SULF2: variants seen among roughly 807,000 people sequenced by gnomAD.
SULF2 encodes sulfatase 2, also known as extracellular sulfatase Sulf-2.
Under a neutral mutation model 107.7 loss-of-function variants are expected in SULF2, and 52 were observed. The ratio of observed to expected loss-of-function variants is 0.48; its 90% CI spans 0.39 to 0.61. The LOEUF is 0.61. Among genes scored for constraint, SULF2 ranks in the 20% least tolerant of loss-of-function variants. SULF2 has a pLI of 0.00. For missense variants in SULF2, 993 were observed against 1,177.3 expected (o/e 0.84, Z 2.29); for synonymous variants, 460 against 464.3 (o/e 0.99, Z 0.12).
chr20:47,729,319 G>C (rs1028612697), intron 3 of SULF2, among the ~76,000 whole-genome samples: 2 of 152,172 alleles, frequency 1.3e-5, no homozygotes, highest in Admixed American at 1.3e-4. Context: ...CCTCTACCCT[G>C]AGTAGGTGGG....
chr20:47,756,377 G>GA (rs897419296), intron 2 of SULF2, among the ~76,000 whole-genome samples: 14 of 152,038 alleles, frequency 9.2e-5, no homozygotes, highest in South Asian at 2.1e-4. Flanking sequence ...GCTCCCGGAG[G>GA]AAAAAAACTA....
intron 3 of SULF2, among the ~76,000 whole-genome samples, chr20:47,725,176 A>C (rs1361674569): frequency 6.6e-6 from 1 of 152,214 alleles, no homozygotes; most frequent in Non-Finnish European, 1.5e-5. Context: ...TTGGCGTAGC[A>C]CTGTCATCGG....
chr20:47,737,606 C>T (rs1307908560), intron 2 of SULF2, among the ~76,000 whole-genome samples: 1 of 152,034 alleles, frequency 6.6e-6, no homozygotes, highest in Admixed American at 6.6e-5. Flanking sequence ...AAATCCAACC[C>T]ATCGGCCTAG....
At chr20:47,731,193 T>TTTTTTTTTTTTTATTTTTA (rs2089599319) in intron 3 of SULF2, among the ~76,000 whole-genome samples, 2 of 99,786 alleles carry the variant, frequency 2.0e-5, no homozygotes, top group African/African-American at 8.1e-5. Flanking sequence ...TTCTCTTTTT[T>TTTTTTTTTTTTTATTTTTA]TTTTTTTTTT....
At chr20:47,757,710 G>A (rs1047655129) in intron 1 of SULF2, among the ~76,000 whole-genome samples, 2 of 152,060 alleles carry the variant, frequency 1.3e-5, no homozygotes, top group African/African-American at 2.4e-5. Flanking sequence ...TGGATCCAGT[G>A]AGCCTCTGAT....
chr20:47,691,260 A>G (rs557340209), intron 4 of SULF2, among the ~76,000 whole-genome samples: 1 of 152,370 alleles, frequency 6.6e-6, no homozygotes, highest in South Asian at 2.1e-4. Flanking sequence ...GATGAAGGAA[A>G]TATCATAAAA....
At chr20:47,763,617 G>A (rs1223754394) in intron 1 of SULF2, among the ~76,000 whole-genome samples, 2 of 152,250 alleles carry the variant, frequency 1.3e-5, no homozygotes, top group Non-Finnish European at 1.5e-5. Flanking sequence ...ACGTCCCACG[G>A]GCTGGGGCCA....
chr20:47,688,532 C>T (rs2088089844), intron 5 of SULF2, among the ~76,000 whole-genome samples: 1 of 152,222 alleles, frequency 6.6e-6, no homozygotes, highest in African/African-American at 2.4e-5. Context: ...AGCGTCCCTT[C>T]CCTCACCCAC....
intron 4 of SULF2, among the ~76,000 whole-genome samples, chr20:47,690,900 T>G (rs1429745173): frequency 1.3e-5 from 2 of 151,192 alleles, no homozygotes; most frequent in Admixed American, 6.6e-5. Flanking sequence ...AAAAGAATAA[T>G]AGCTAACACT....
chr20:47,719,959 T>G (rs2089238420), intron 3 of SULF2, among the ~76,000 whole-genome samples: 1 of 152,194 alleles, frequency 6.6e-6, no homozygotes, highest in South Asian at 2.1e-4. Context: ...CTTTTTCAAA[T>G]TTTTGTTTTA....
chr20:47,687,895 C>T (rs931856724), intron 5 of SULF2, among the ~76,000 whole-genome samples: 8 of 152,014 alleles, frequency 5.3e-5, no homozygotes, highest in Admixed American at 3.9e-4. Flanking sequence ...TCTGTAGAGA[C>T]AGAGTCTCAC....
chr20:47,712,569 G>C (rs6018653), intron 3 of SULF2, among the ~76,000 whole-genome samples: 121,855 of 152,210 alleles, frequency 0.8, 48,871 homozygotes, highest in Middle Eastern at 0.89. Flanking sequence ...TAGCCCCAGC[G>C]CAGTACCTGG....
At chr20:47,673,296 C>A (rs1463179221) in intron 10 of SULF2, among the ~76,000 whole-genome samples, 4 of 152,202 alleles carry the variant, frequency 2.6e-5, no homozygotes, top group Non-Finnish European at 5.9e-5. Flanking sequence ...GTCTCTCCAG[C>A]ACTTAGCATG....
At chr20:47,747,558 T>C (rs540250228) in intron 2 of SULF2, among the ~76,000 whole-genome samples, 29 of 152,132 alleles carry the variant, frequency 1.9e-4, no homozygotes, top group Non-Finnish European at 3.5e-4. Flanking sequence ...CCCAGAAATA[T>C]TCCTCTAACT....
At chr20:47,671,206 C>T (rs951070421) in intron 11 of SULF2, among the ~76,000 whole-genome samples, 3 of 152,248 alleles carry the variant, frequency 2.0e-5, no homozygotes, top group East Asian at 1.9e-4. Context: ...GTCCTCTCCT[C>T]GGCCCTTGCC....
chr20:47,668,876 G>A (rs2087368996), intron 11 of SULF2, among the ~76,000 whole-genome samples: 1 of 152,142 alleles, frequency 6.6e-6, no homozygotes, highest in South Asian at 2.1e-4. Context: ...CTGTGACTGG[G>A]ACTCACCGCC....
intron 1 of SULF2, among the ~76,000 whole-genome samples, chr20:47,769,333 C>A (rs2146961031): frequency 6.6e-6 from 1 of 152,038 alleles, no homozygotes; most frequent in Non-Finnish European, 1.5e-5. Context: ...AGCCACCGCG[C>A]CCGGCCACAC....
At chr20:47,663,267 C>T (rs2087147200) in intron 16 of SULF2, 55 bp from the exon 17 acceptor site, 4 of 1,607,998 alleles carry the variant, frequency 2.5e-6, no homozygotes, top group East Asian at 4.5e-5. Flanking sequence ...GCCCCATCTG[C>T]CAACAGTGAT....
chr20:47,737,048 C>T (rs2089751628), intron 2 of SULF2, 106 bp from the exon 3 acceptor site: 2 of 1,528,878 alleles, frequency 1.3e-6, no homozygotes, highest in Admixed American at 1.8e-5. Context: ...TGGGCACATT[C>T]TGCAGACCTA....
Sources: gnomAD v4.1 joint callset for allele counts (sites outside exome capture counted in the v4.1 genomes callset) on GRCh38, gnomAD v4.1.1 for gene constraint, MANE v1.5 for transcripts, NCBI Gene and HGNC (gene_info 2026-07-23, HGNC 2026-07-21) for gene names.